Variants in CSMD2 observed in about 807,000 individuals in gnomAD.
CSMD2 encodes CUB and Sushi multiple domains 2, also known as CUB and sushi domain-containing protein 2.
A neutral mutation model predicts 398.5 loss-of-function variants in CSMD2; 130 were observed. That is an observed-to-expected ratio of 0.33 (90% CI 0.28 to 0.38). The LOEUF is 0.38. Ranked by LOEUF, CSMD2 falls within the 10% of genes least tolerant of loss-of-function variation. The pLI is 1.00. For missense variants in CSMD2, 3,829 were observed against 4,764.9 expected (o/e 0.80, Z 5.78); for synonymous variants, 1,828 against 1,908.5 (o/e 0.96, Z 1.10).
At chr1:33,803,747 T>G (rs1006943950) in intron 10 of CSMD2, among the ~76,000 whole-genome samples, 8 of 151,046 alleles carry the variant, frequency 5.3e-5, no homozygotes, top group African/African-American at 2.0e-4. Flanking sequence ...TGCTTCATCC[T>G]CCTAACTGGT....
At chr1:33,577,565 C>T (rs965468421) in intron 48 of CSMD2, 81 bp from the exon 49 acceptor site, 6 of 1,156,542 alleles carry the variant, frequency 5.2e-6, no homozygotes, top group African/African-American at 3.7e-5. Flanking sequence ...CTTTCCCTTT[C>T]GTCTCCCCCC....
chr1:33,818,355 A>G (rs187254322), intron 9 of CSMD2, among the ~76,000 whole-genome samples: 11 of 152,348 alleles, frequency 7.2e-5, no homozygotes, highest in African/African-American at 2.4e-4. Context: ...GGCAGTGAAC[A>G]AAACAGAAGT....
At chr1:33,740,470 G>A (rs187674458) in intron 14 of CSMD2, among the ~76,000 whole-genome samples, 1 of 152,162 alleles carries the variant, frequency 6.6e-6, no homozygotes, top group Admixed American at 6.5e-5. Flanking sequence ...AAACAGCAGT[G>A]GCCCTAGGGG....
chr1:33,905,417 G>A (rs1643029340), intron 5 of CSMD2, among the ~76,000 whole-genome samples: 1 of 152,218 alleles, frequency 6.6e-6, no homozygotes, highest in South Asian at 2.1e-4. Context: ...AAGGACTGGT[G>A]ATCAGTGTCA....
chr1:33,600,835 C>T, intron 44 of CSMD2, 30 bp downstream of exon 44: 1 of 1,612,096 alleles, frequency 6.2e-7, no homozygotes, highest in Non-Finnish European at 8.5e-7. Context: ...AAGCCTGGCC[C>T]TTCCCACCAG....
Position 33,633,287 on chromosome 1 carries a change from C to T in CSMD2, c.5200+135G>A, listed in dbSNP as rs1642577426. 1 of 681,940 alleles carries T rather than the reference C, an allele frequency of 1.5e-6. No individual in the cohort carries two copies. The highest frequency in any genetic ancestry group is 2.6e-6 in the Non-Finnish European group (1 of 388,326). 42.2% of individuals were successfully genotyped at this position (681,940 alleles called of 1,614,324 possible). On this transcript the variant is annotated intron_variant, in intron 32 of 70. Coordinates refer to ENST00000373381, the MANE Select transcript of CSMD2 (RefSeq NM_001281956.2). The surrounding 1 kb of genome is among the most constrained non-coding windows in gnomAD (Gnocchi z 5.0). The stretch of plus-strand genomic sequence containing the variant: ...AGCTGGCTGCTGCGTTGTAGACAAG[C>T]ACCAGAACACGACAGGCACGCAGAG...
At chr1:33,582,729 G>A (rs956861226) in intron 47 of CSMD2, among the ~76,000 whole-genome samples, 3 of 152,192 alleles carry the variant, frequency 2.0e-5, no homozygotes, top group Admixed American at 6.5e-5. Context: ...GTGTATGAAG[G>A]GTGGTTTTGG....
At chr1:33,960,747 G>A (rs1032513806) in intron 3 of CSMD2, among the ~76,000 whole-genome samples, 1 of 152,206 alleles carries the variant, frequency 6.6e-6, no homozygotes. Flanking sequence ...GGATCTCTCT[G>A]GGGGATGAGA....
intron 32 of CSMD2, among the ~76,000 whole-genome samples, chr1:33,632,253 A>G (rs756674749): frequency 9.2e-5 from 14 of 152,230 alleles, no homozygotes; most frequent in Admixed American, 3.3e-4. Flanking sequence ...GGAGAAAACT[A>G]TATAAGAAAA....
chr1:34,128,298 T>G (rs915361207), intron 1 of CSMD2, among the ~76,000 whole-genome samples: 2 of 152,162 alleles, frequency 1.3e-5, no homozygotes, highest in Admixed American at 6.5e-5. Flanking sequence ...GTGCAGAGAC[T>G]GAGGCGGAAA....
chr1:33,684,787 C>T (rs1267570217), intron 25 of CSMD2, among the ~76,000 whole-genome samples: 1 of 152,214 alleles, frequency 6.6e-6, no homozygotes, highest in Non-Finnish European at 1.5e-5. Flanking sequence ...GGTGCTTCCT[C>T]CCTGTAGTCC....
intron 37 of CSMD2, among the ~76,000 whole-genome samples, chr1:33,619,092 A>G (rs1420971167): frequency 6.6e-6 from 1 of 152,192 alleles, no homozygotes; most frequent in Non-Finnish European, 1.5e-5. Flanking sequence ...TGCACTAAAA[A>G]GTTTCTGTGT....
intron 12 of CSMD2, among the ~76,000 whole-genome samples, chr1:33,780,556 T>C (rs1652604848): frequency 6.6e-6 from 1 of 152,234 alleles, no homozygotes; most frequent in African/African-American, 2.4e-5. Context: ...GGAGGTAGCC[T>C]CCAAGCTGTC....
intron 3 of CSMD2, among the ~76,000 whole-genome samples, chr1:33,983,405 G>A (rs1014073478): frequency 1.3e-5 from 2 of 152,180 alleles, no homozygotes; most frequent in African/African-American, 4.8e-5. Flanking sequence ...AAGTTCTAGC[G>A]GGCAAGAAGG....
chr1:33,639,200 G>T (rs1642972460), intron 29 of CSMD2, among the ~76,000 whole-genome samples: 1 of 152,186 alleles, frequency 6.6e-6, no homozygotes, highest in Non-Finnish European at 1.5e-5. Flanking sequence ...GGACTAGCAT[G>T]GTAGAGTAGG....
intron 44 of CSMD2, among the ~76,000 whole-genome samples, chr1:33,591,499 A>C (rs1038612538): frequency 6.6e-6 from 1 of 152,198 alleles, no homozygotes; most frequent in South Asian, 2.1e-4. Flanking sequence ...GTGGGAGTCC[A>C]TAATCACTGC....
intron 10 of CSMD2, among the ~76,000 whole-genome samples, chr1:33,799,485 T>C (rs1655341872): frequency 6.6e-6 from 1 of 152,202 alleles, no homozygotes; most frequent in Admixed American, 6.5e-5. Flanking sequence ...GTGAACACCA[T>C]GGATAGTGGG....
intron 1 of CSMD2, among the ~76,000 whole-genome samples, chr1:34,099,652 AG>A (rs1659753808): frequency 6.6e-6 from 1 of 152,230 alleles, no homozygotes; most frequent in Admixed American, 6.5e-5. Flanking sequence ...GGGAACAGGT[AG>A]AATAGTCGGA....
chr1:34,110,873 C>A (rs1022731154), intron 1 of CSMD2, among the ~76,000 whole-genome samples: 1 of 152,020 alleles, frequency 6.6e-6, no homozygotes, highest in African/African-American at 2.4e-5. Context: ...CAAACTTGCA[C>A]ATGTACCCCT....
Sources: gnomAD v4.1 joint callset for allele counts (sites outside exome capture counted in the v4.1 genomes callset) on GRCh38, gnomAD v4.1.1 for gene constraint, Gnocchi (gnomAD v3.1) non-coding constraint, MANE v1.5 for transcripts, NCBI Gene and HGNC (gene_info 2026-07-23, HGNC 2026-07-21) for gene names.